The following SNTG1 variants were observed in gnomAD, a reference collection of about 807,000 sequenced individuals.
SNTG1 encodes the protein syntrophin gamma 1.
A neutral mutation model predicts 74.7 loss-of-function variants in SNTG1; 39 were observed. That is an observed-to-expected ratio of 0.52 (90% CI 0.40 to 0.68). The LOEUF is 0.68. Among genes scored for constraint, SNTG1 ranks in the 30% least tolerant of loss-of-function variants. The pLI, the probability that SNTG1 is intolerant of heterozygous loss-of-function variation, is 0.00. For synonymous variants in SNTG1, 254 were observed against 217.1 expected (o/e 1.17, Z -1.49); for missense variants, 685 against 609.5 (o/e 1.12, Z -1.30).
chr8:50,781,688 C>G (rs902709597), intron 18 of SNTG1, among the ~76,000 whole-genome samples: 2 of 152,124 alleles, frequency 1.3e-5, no homozygotes, highest in Non-Finnish European at 2.9e-5. Context: ...TTAATTGGAG[C>G]ATTTAGCCCA....
chr8:50,607,607 AG>A (rs992618222), intron 13 of SNTG1, among the ~76,000 whole-genome samples: 6 of 151,622 alleles, frequency 4.0e-5, no homozygotes, highest in African/African-American at 1.4e-4. Flanking sequence ...GTAATTTATC[AG>A]TCAACATAAA....
chr8:50,788,784 C>T (rs2095683090), intron 18 of SNTG1, among the ~76,000 whole-genome samples: 2 of 151,962 alleles, frequency 1.3e-5, no homozygotes, highest in Non-Finnish European at 2.9e-5. Context: ...TGAAGCAAAG[C>T]TACACACTAC....
intron 18 of SNTG1, among the ~76,000 whole-genome samples, chr8:50,756,845 T>C (rs2095581793): frequency 6.6e-6 from 1 of 151,768 alleles, no homozygotes; most frequent in African/African-American, 2.4e-5. Context: ...AAATCTGTAG[T>C]TCAAGTTTGG....
intron 8 of SNTG1, among the ~76,000 whole-genome samples, chr8:50,467,805 G>C (rs1303684637): frequency 2.0e-5 from 3 of 151,756 alleles, no homozygotes; most frequent in Admixed American, 1.3e-4. Context: ...TGCTTTGCCT[G>C]CATGTCACAA....
chr8:50,615,531 A>T (rs1413551843), intron 13 of SNTG1, among the ~76,000 whole-genome samples: 1 of 152,166 alleles, frequency 6.6e-6, no homozygotes, highest in Non-Finnish European at 1.5e-5. Context: ...CTACTAGGTG[A>T]CCAGGGACTT....
At position 49,920,127 on chromosome 8, in the gene SNTG1, CATAT is replaced by C. The variant is rs546617041; in HGVS notation, c.-103+7897_-103+7900del. 1.2e-3 allele frequency among the ~76,000 whole-genome samples: 175 copies of C among 151,982 alleles called. 2 individuals are homozygous for C. The highest frequency in any genetic ancestry group is 6.8e-3 in the Middle Eastern group (2 of 292). On this transcript the variant is annotated intron_variant, in intron 1 of 18. Coordinates refer to ENST00000642720, the MANE Select transcript of SNTG1 (RefSeq NM_018967.5). ...ACCTAAGTCATTTGCTTTTATTTTC[CATAT>C]TGTGTTCTTTTCCAAGAAATCTCCT...
chr8:50,022,451 C>T (rs1816910559), intron 1 of SNTG1, among the ~76,000 whole-genome samples: 1 of 152,156 alleles, frequency 6.6e-6, no homozygotes, highest in Non-Finnish European at 1.5e-5. Flanking sequence ...AAAGCAAGTG[C>T]TATCTAATCC....
chr8:49,993,291 T>C (rs1240878896), intron 1 of SNTG1, among the ~76,000 whole-genome samples: 1 of 152,086 alleles, frequency 6.6e-6, no homozygotes, highest in East Asian at 1.9e-4. Context: ...TCTTTGACAC[T>C]CACTCTATTT....
chr8:50,780,964 G>A (rs984903093), intron 18 of SNTG1, among the ~76,000 whole-genome samples: 9 of 151,938 alleles, frequency 5.9e-5, no homozygotes, highest in South Asian at 2.1e-4. Flanking sequence ...ATTACGTACC[G>A]AGTAGTCATT....
intron 8 of SNTG1, among the ~76,000 whole-genome samples, chr8:50,460,766 G>C (rs2086517): frequency 0.6 from 90,451 of 151,842 alleles, 31,287 homozygotes; most frequent in Non-Finnish European, 0.77. Context: ...GTTTATTTTT[G>C]TCGACTTTGT....
intron 1 of SNTG1, among the ~76,000 whole-genome samples, chr8:49,936,450 C>T (rs1478355706): frequency 2.0e-5 from 3 of 151,908 alleles, no homozygotes; most frequent in Non-Finnish European, 4.4e-5. Flanking sequence ...GTATCACTCA[C>T]GTTTGGTAAC....
chr8:50,235,913 T>A (rs2085869210), intron 2 of SNTG1, among the ~76,000 whole-genome samples: 1 of 152,200 alleles, frequency 6.6e-6, no homozygotes, highest in Non-Finnish European at 1.5e-5. Flanking sequence ...TAGCATTATT[T>A]AAATTTAAAG....
intron 1 of SNTG1, among the ~76,000 whole-genome samples, chr8:50,138,306 A>T (rs551874853): frequency 8.2e-4 from 124 of 152,104 alleles, no homozygotes; most frequent in African/African-American, 2.9e-3. Context: ...TGCCACTGGA[A>T]ATATACCAAC....
At chr8:50,168,138 C>A (rs942349224) in intron 1 of SNTG1, among the ~76,000 whole-genome samples, 3 of 151,894 alleles carry the variant, frequency 2.0e-5, no homozygotes, top group Non-Finnish European at 4.4e-5. Flanking sequence ...CATTAATAAT[C>A]TTTTTCTAAA....
chr8:50,604,796 C>T (rs193301685), intron 13 of SNTG1, among the ~76,000 whole-genome samples: 2 of 151,972 alleles, frequency 1.3e-5, no homozygotes, highest in East Asian at 1.9e-4. Context: ...TTTTTCCTCG[C>T]TTTTCTCAAG....
At chr8:50,747,259 A>G (rs1433532266) in intron 17 of SNTG1, among the ~76,000 whole-genome samples, 27 of 151,986 alleles carry the variant, frequency 1.8e-4, no homozygotes, top group Admixed American at 1.6e-3. Flanking sequence ...ATTGACTTCA[A>G]TCATGAAGGG....
intron 2 of SNTG1, among the ~76,000 whole-genome samples, chr8:50,212,396 G>A (rs528223290): frequency 9.3e-4 from 142 of 152,178 alleles, no homozygotes; most frequent in African/African-American, 3.3e-3. Flanking sequence ...TCTTTATAGA[G>A]CAATTGAGTT....
chr8:50,620,080 C>G (rs1182431120), intron 13 of SNTG1, among the ~76,000 whole-genome samples: 2 of 152,058 alleles, frequency 1.3e-5, no homozygotes, highest in African/African-American at 4.8e-5. Context: ...AGGCTGTGCT[C>G]CTTTCCAGGG....
chr8:49,930,339 G>A (rs918167627), intron 1 of SNTG1, among the ~76,000 whole-genome samples: 1 of 151,798 alleles, frequency 6.6e-6, no homozygotes, highest in African/African-American at 2.4e-5. Flanking sequence ...AAGTAATAAA[G>A]CAATTAGCAC....
Sources: allele counts gnomAD v4.1 joint callset (sites outside exome capture counted in the v4.1 genomes callset), GRCh38; gene constraint gnomAD v4.1.1; transcripts MANE v1.5; gene names NCBI Gene and HGNC (gene_info 2026-07-23, HGNC 2026-07-21).